The following AAK1 variants were observed in gnomAD, a reference collection of about 807,000 sequenced individuals.
AAK1 encodes the protein AP2 associated kinase 1.
AAK1 carries 37 observed loss-of-function variants against 116.0 expected under a neutral mutation model. The ratio of observed to expected loss-of-function variants is 0.32; its 90% CI spans 0.25 to 0.42. AAK1 has a LOEUF of 0.42. Among genes scored for constraint, AAK1 ranks in the 10% least tolerant of loss-of-function variants. AAK1 has a pLI of 1.00. For synonymous variants in AAK1, 458 were observed against 439.9 expected (o/e 1.04, Z -0.51); for missense variants, 919 against 1,170.6 (o/e 0.79, Z 3.14).
chr2:69,490,502 T>C (rs1440129467), intron 17 of AAK1, among the ~76,000 whole-genome samples: 7 of 152,188 alleles, frequency 4.6e-5, no homozygotes, highest in African/African-American at 1.7e-4. Flanking sequence ...AATTCTGACA[T>C]ATCCTACAAC....
At chr2:69,540,701 CA>C (rs1251408052) in intron 5 of AAK1, among the ~76,000 whole-genome samples, 1 of 152,190 alleles carries the variant, frequency 6.6e-6, no homozygotes, top group Non-Finnish European at 1.5e-5. Flanking sequence ...GAAGGGTCCT[CA>C]AAAAGTTAAA....
intron 14 of AAK1, 135 bp from the exon 15 acceptor site, chr2:69,507,713 T>C (rs1417174684): frequency 2.1e-6 from 2 of 955,742 alleles, no homozygotes; most frequent in Non-Finnish European, 3.0e-6. Context: ...CAGTATTTTT[T>C]TTTTTTTTTT....
intron 2 of AAK1, among the ~76,000 whole-genome samples, chr2:69,566,229 T>C: frequency 6.6e-6 from 1 of 152,158 alleles, no homozygotes; most frequent in East Asian, 1.9e-4. Flanking sequence ...ACAAAAGTTT[T>C]CAAAACTCTA....
chr2:69,529,721 T>C (rs1238236805), intron 8 of AAK1, among the ~76,000 whole-genome samples: 1 of 152,214 alleles, frequency 6.6e-6, no homozygotes, highest in Non-Finnish European at 1.5e-5. Context: ...GTACCGGAGC[T>C]TTCATAGAGA....
intron 2 of AAK1, among the ~76,000 whole-genome samples, chr2:69,570,067 G>A (rs969096720): frequency 3.9e-5 from 6 of 152,036 alleles, no homozygotes; most frequent in African/African-American, 1.2e-4. Context: ...TACCAACAAC[G>A]TGATTGTACC....
At chr2:69,494,342 C>T (rs558419681) in intron 17 of AAK1, among the ~76,000 whole-genome samples, 3 of 152,236 alleles carry the variant, frequency 2.0e-5, no homozygotes, top group Non-Finnish European at 2.9e-5. Context: ...AAGCTGAAGC[C>T]GATTTCCTGA....
chr2:69,552,749 G>T (rs1213814759), intron 3 of AAK1, among the ~76,000 whole-genome samples: 1 of 151,854 alleles, frequency 6.6e-6, no homozygotes, highest in Non-Finnish European at 1.5e-5. Context: ...TGGCTCATAG[G>T]TTTAAATGTA....
intron 2 of AAK1, among the ~76,000 whole-genome samples, chr2:69,593,304 C>G (rs1225139665): frequency 1.3e-5 from 2 of 151,866 alleles, no homozygotes; most frequent in Non-Finnish European, 2.9e-5. Context: ...ATCCATGCAG[C>G]CTTAAAATAA....
chr2:69,608,230 C>T (rs868487291), intron 2 of AAK1, among the ~76,000 whole-genome samples: 4 of 152,228 alleles, frequency 2.6e-5, no homozygotes, highest in African/African-American at 9.6e-5. Flanking sequence ...CAAGGCGCAA[C>T]CAACAGCTTT....
chr2:69,630,380 G>A (rs868037747), intron 2 of AAK1, among the ~76,000 whole-genome samples: 136 of 150,204 alleles, frequency 9.1e-4, no homozygotes, highest in African/African-American at 3.2e-3. Flanking sequence ...GAGGGAGAGA[G>A]AGAGACCTCC....
intron 2 of AAK1, among the ~76,000 whole-genome samples, chr2:69,591,640 G>A (rs897840843): frequency 1.3e-5 from 2 of 148,708 alleles, no homozygotes; most frequent in Non-Finnish European, 3.0e-5. Context: ...GCGCAATCTC[G>A]GCTCACTACA....
chr2:69,531,464 T>C (rs575760630), intron 6 of AAK1: 1 of 396,786 alleles, frequency 2.5e-6, no homozygotes, highest in African/African-American at 2.2e-5. Context: ...GCGAGTGCTG[T>C]TGCCTGTAAA....
At chr2:69,621,624 G>C (rs1674630668) in intron 2 of AAK1, among the ~76,000 whole-genome samples, 1 of 152,302 alleles carries the variant, frequency 6.6e-6, no homozygotes, top group Admixed American at 6.5e-5. Flanking sequence ...TAGGCCACAA[G>C]GTTTTGGGGT....
chr2:69,565,718 G>A (rs114102410), intron 2 of AAK1, among the ~76,000 whole-genome samples: 3,390 of 152,246 alleles, frequency 0.022, 136 homozygotes, highest in African/African-American at 0.077. Context: ...TCCTCTCCAT[G>A]GTGAGAGCTT....
intron 2 of AAK1, among the ~76,000 whole-genome samples, chr2:69,587,477 A>ATTTT (rs1235173550): frequency 6.9e-5 from 10 of 145,612 alleles, no homozygotes; most frequent in African/African-American, 2.4e-4. Flanking sequence ...ATATATATAT[A>ATTTT]TTTTTTTGAT....
At chr2:69,600,321 T>C (rs1422810546) in intron 2 of AAK1, among the ~76,000 whole-genome samples, 8 of 148,578 alleles carry the variant, frequency 5.4e-5, no homozygotes, top group Non-Finnish European at 1.2e-4. Context: ...TAACAATCAG[T>C]TTGTGAATAA....
chr2:69,513,237 C>T (rs1361730372), intron 13 of AAK1, among the ~76,000 whole-genome samples: 1 of 152,176 alleles, frequency 6.6e-6, no homozygotes, highest in African/African-American at 2.4e-5. Flanking sequence ...CAATCTACGG[C>T]ACTGCTTCCT....
intron 2 of AAK1, among the ~76,000 whole-genome samples, chr2:69,557,590 C>A (rs1312038288): frequency 3.3e-5 from 5 of 152,148 alleles, no homozygotes; most frequent in Non-Finnish European, 7.4e-5. Flanking sequence ...CTGTACCAGC[C>A]CTGTCTTGGG....
chr2:69,465,164 T>A lies in AAK1; in HGVS notation c.*10705A>T, dbSNP rs73934953. The A allele has an allele frequency of 9.5e-3, 2,643 of 278,020 alleles. 86 individuals carry two copies. The highest frequency in any genetic ancestry group is 0.055 in the African/African-American group (2,446 of 44,630). 17.2% of individuals were successfully genotyped at this position (278,020 alleles called of 1,614,324 possible). On this transcript the variant is annotated 3_prime_UTR_variant, in exon 22 of 22. Coordinates refer to ENST00000409085, the MANE Select transcript of AAK1 (RefSeq NM_014911.5). The stretch of plus-strand genomic sequence containing the variant: ...GTTCTTGGTGGAAGTGGATGACCTC[T>A]GTGAAGGAGATGAAAATGCCTCCAA...
Sources: allele counts gnomAD v4.1 joint callset (sites outside exome capture counted in the v4.1 genomes callset), GRCh38; gene constraint gnomAD v4.1.1; transcripts MANE v1.5; gene names NCBI Gene and HGNC (gene_info 2026-07-23, HGNC 2026-07-21).